SYCP2L: variants seen among roughly 807,000 people sequenced by gnomAD.
The protein encoded by SYCP2L is synaptonemal complex protein 2-like.
In SYCP2L, 98 loss-of-function variants were observed where a neutral mutation model predicts 125.8. That is an observed-to-expected ratio of 0.78 (90% confidence interval 0.66 to 0.92). The LOEUF is 0.92. Ranked by LOEUF, SYCP2L falls within the 40% of genes least tolerant of loss-of-function variation. The probability of loss-of-function intolerance (pLI) is 0.00; values close to 1 mark genes in which losing one functional copy is unlikely to be tolerated. For missense variants in SYCP2L, 842 were observed against 936.4 expected, an observed-to-expected ratio of 0.90 and a Z score of 1.32; for synonymous variants, 317 against 325.4, an observed-to-expected ratio of 0.97 and a Z score of 0.28.
At chr6:10,893,108 C>T (rs1213513049) in intron 2 of SYCP2L, among the ~76,000 whole-genome samples, 3 of 145,338 alleles carry the variant, frequency 2.1e-5, no homozygotes, top group East Asian at 2.0e-4. Context: ...TAGGTTCAAG[C>T]GATTCTCCTG....
At chr6:10,893,277 C>T (rs550352004) in intron 2 of SYCP2L, among the ~76,000 whole-genome samples, 7 of 152,194 alleles carry the variant, frequency 4.6e-5, no homozygotes, top group African/African-American at 1.4e-4. Context: ...GGATTACAGG[C>T]GTGCGCCACT....
chr6:10,926,296 A>G lies in SYCP2L; in HGVS notation c.1219-43A>G, dbSNP rs749394550. 9.7e-6 allele frequency: 14 copies of G among 1,436,150 alleles called. No homozygotes were observed. The East Asian group carries it at 3.0e-4, about 30-fold the overall frequency. The allele number at this position is 1,436,150 out of a possible 1,614,324, so 89.0% of individuals were successfully genotyped here. On this transcript the variant is annotated intron_variant, in intron 15 of 29. Coordinates refer to ENST00000283141, the MANE Select transcript of SYCP2L (RefSeq NM_001040274.3). Reference sequence around the variant, plus strand: ...TTTTCCTTAAATTTTTTTTTTTTTAAAGATGACTACATTTCAAAGTTGACC... The same window carrying G: ...TTTTCCTTAAATTTTTTTTTTTTTAGAGATGACTACATTTCAAAGTTGACC...
At chr6:10,921,124 A>T (rs1346105381) in intron 14 of SYCP2L, among the ~76,000 whole-genome samples, 1 of 152,216 alleles carries the variant, frequency 6.6e-6, no homozygotes, top group African/African-American at 2.4e-5. Context: ...AAGTGAGAAC[A>T]TGCGGTGTTT....
At chr6:10,904,539 A>C (rs1780448596) in intron 8 of SYCP2L, among the ~76,000 whole-genome samples, 1 of 152,202 alleles carries the variant, frequency 6.6e-6, no homozygotes, top group Non-Finnish European at 1.5e-5. Flanking sequence ...TAGTGAAATC[A>C]CTACTCTTAG....
chr6:10,972,399 A>C (rs954886257), intron 29 of SYCP2L, among the ~76,000 whole-genome samples: 1 of 152,254 alleles, frequency 6.6e-6, no homozygotes, highest in Non-Finnish European at 1.5e-5. Context: ...ATTTGGTCAC[A>C]AGTAACAGAA....
At chr6:10,897,879 C>T in intron 4 of SYCP2L, 132 bp from the exon 5 acceptor site, 2 of 651,602 alleles carry the variant, frequency 3.1e-6, no homozygotes, top group Non-Finnish European at 5.5e-6. Flanking sequence ...AGAGCCAGGC[C>T]TCATTGAAAT....
At chr6:10,964,106 C>T (rs1237811736) in intron 29 of SYCP2L, among the ~76,000 whole-genome samples, 2 of 151,896 alleles carry the variant, frequency 1.3e-5, no homozygotes. Flanking sequence ...TACAGGCACC[C>T]GCCACCACGC....
intron 14 of SYCP2L, among the ~76,000 whole-genome samples, chr6:10,919,559 C>G (rs375997916): frequency 6.6e-6 from 1 of 152,106 alleles, no homozygotes; most frequent in Non-Finnish European, 1.5e-5. Flanking sequence ...GGCCTTCTGC[C>G]GGTAGGTGGT....
Position 10,928,404 on chromosome 6 carries a change from T to G in SYCP2L, c.1442T>G (p.Leu481Arg). ...VIGEPASDSH[L>R]QPVPPFGVPD... Reference sequence around the variant, plus strand: ...ACAATCCACGTTCTTCTGCCATAGCTTCAGCCGGTCCCTCCGTTCGGGGTC... The same window carrying G: ...ACAATCCACGTTCTTCTGCCATAGCGTCAGCCGGTCCCTCCGTTCGGGGTC... Residue 481 changes from leucine to arginine, a missense_variant and splice_region_variant, in exon 18 of 30, where the codon CTT (leucine) becomes CGT (arginine). Physicochemically the swap from Leu to Arg is moderately radical, Grantham distance 102 (BLOSUM62 -2). Coordinates refer to ENST00000283141, the MANE Select transcript of SYCP2L (RefSeq NM_001040274.3). 1 of 1,507,920 alleles carries G rather than the reference T, an allele frequency of 6.6e-7. No individual in the cohort carries two copies. The allele number at this position is 1,507,920 out of a possible 1,614,324, so 93.4% of individuals were successfully genotyped here. A position where few individuals can be genotyped will look rare whatever the true frequency, so the allele number is the denominator to read the frequency against.
intron 28 of SYCP2L, 21 bp from the exon 29 acceptor site, chr6:10,963,761 A>C: frequency 6.2e-7 from 1 of 1,613,216 alleles, no homozygotes; most frequent in Non-Finnish European, 8.5e-7. Flanking sequence ...ATATAATAAG[A>C]GATGGACCAA....
chr6:10,950,824 C>T (rs967973138), intron 23 of SYCP2L, among the ~76,000 whole-genome samples: 6 of 152,076 alleles, frequency 3.9e-5, no homozygotes, highest in Admixed American at 1.3e-4. Context: ...CCACACCCAA[C>T]GGATTTTTGT....
chr6:10,903,740 G>T (rs1374514398), intron 8 of SYCP2L, among the ~76,000 whole-genome samples: 11 of 151,848 alleles, frequency 7.2e-5, no homozygotes, highest in Middle Eastern at 3.4e-3. Flanking sequence ...GATAGAGCGA[G>T]ACTCTGTCTC....
rs530903303 is a variant in SYCP2L, at chr6:10,963,270, A to C, written c.2415-512A>C. 3 of 153,204 alleles carry C rather than the reference A, an allele frequency of 2.0e-5. No homozygotes were observed. In the South Asian group the frequency reaches 6.1e-4, roughly 31 times the overall value. 9.5% of individuals were successfully genotyped at this position (153,204 alleles called of 1,614,324 possible). On this transcript the variant is annotated intron_variant, in intron 28 of 29. Coordinates refer to ENST00000283141, the MANE Select transcript of SYCP2L (RefSeq NM_001040274.3). ...TAAGAAAACTTTCCTCTTGCTTGCC[A>C]GTGAGGGATGATGGTGATTCTCTTA...
chr6:10,936,220 G>A (rs907338289), intron 21 of SYCP2L, among the ~76,000 whole-genome samples: 14 of 150,924 alleles, frequency 9.3e-5, no homozygotes, highest in Non-Finnish European at 1.6e-4. Flanking sequence ...AAAGGGGTCA[G>A]GCGCAGTGGC....
Position 10,907,892 on chromosome 6 carries a change from G to GTTTTTTTTT in SYCP2L, c.819+218_819+226dup, listed in dbSNP as rs551103839. 1.6e-3 allele frequency among the ~76,000 whole-genome samples: 150 copies of GTTTTTTTTT among 91,922 alleles called. 20 individuals carry two copies. Among genetic ancestry groups the GTTTTTTTTT allele is most frequent in the East Asian group, 4.3e-3 (12 of 2,806 alleles). 60.3% of individuals were successfully genotyped at this position (91,922 alleles called of 152,430 possible). On this transcript the variant is annotated intron_variant, in intron 10 of 29. Transcript: ENST00000283141. Reference sequence around the variant, plus strand: ...GAGCTAGATATAGGGATACAGATAGGTTTTTTTTTTTTTTTTTTGACAGAG... The same window carrying GTTTTTTTTT: ...GAGCTAGATATAGGGATACAGATAGGTTTTTTTTTTTTTTTTTTTTTTTTTTTGACAGAG...
At position 10,912,808 on chromosome 6, in the gene SYCP2L, T is replaced by A. The variant is rs892436386; in HGVS notation, c.1011+43T>A. 1 of 1,608,608 alleles carries A rather than the reference T, an allele frequency of 6.2e-7. No individual in the cohort carries two copies. The highest frequency in any genetic ancestry group is 8.5e-7 in the Non-Finnish European group (1 of 1,175,684). ...TTGGTTAGAACTAAGCCTTTAGAGA[T>A]CTTTTTTATGTAAGTATGTGTTTTG... On this transcript the variant is annotated intron_variant, in intron 13 of 29. Coordinates refer to ENST00000283141, the MANE Select transcript of SYCP2L (RefSeq NM_001040274.3). The surrounding 1 kb of genome is among the most constrained non-coding windows in gnomAD (Gnocchi z 4.1).
At chr6:10,893,088 A>G (rs1780202170) in intron 2 of SYCP2L, among the ~76,000 whole-genome samples, 1 of 151,420 alleles carries the variant, frequency 6.6e-6, no homozygotes, top group African/African-American at 2.4e-5. Flanking sequence ...ACTCACCGCA[A>G]CCTCCGTCCT....
chr6:10,965,607 G>A (rs1309475120), intron 29 of SYCP2L, among the ~76,000 whole-genome samples: 1 of 152,208 alleles, frequency 6.6e-6, no homozygotes, highest in Non-Finnish European at 1.5e-5. Context: ...AGACAAAGTT[G>A]TCAGAGAAGT....
intron 29 of SYCP2L, among the ~76,000 whole-genome samples, chr6:10,969,039 G>A (rs1015664836): frequency 6.6e-6 from 1 of 152,128 alleles, no homozygotes; most frequent in African/African-American, 2.4e-5. Context: ...CTCCCACTCA[G>A]TTGGATTCTT....
Sources: gnomAD v4.1 joint callset for allele counts (sites outside exome capture counted in the v4.1 genomes callset) on GRCh38, gnomAD v4.1.1 for gene constraint, Gnocchi (gnomAD v3.1) non-coding constraint, MANE v1.5 for transcripts, NCBI Gene and HGNC (gene_info 2026-07-23, HGNC 2026-07-21) for gene names.